The following SLC15A2 variants were observed in gnomAD, a reference collection of about 807,000 sequenced individuals.
The protein encoded by SLC15A2 is kidney H(+)/peptide cotransporter.
A neutral mutation model predicts 95.5 loss-of-function variants in SLC15A2; 77 were observed. The observed-to-expected ratio is 0.81, with a 90% CI of 0.67 to 0.97. SLC15A2 has a LOEUF of 0.97. SLC15A2 is among the 50% of genes least tolerant of loss of function. SLC15A2 has a pLI of 0.00. For synonymous variants in SLC15A2, 306 were observed against 306.9 expected (o/e 1.00, Z 0.03); for missense variants, 893 against 874.4 (o/e 1.02, Z -0.27).
intron 19 of SLC15A2, 46 bp downstream of exon 19, chr3:121,931,781 T>C: frequency 1.8e-6 from 2 of 1,128,096 alleles, no homozygotes; most frequent in Non-Finnish European, 2.7e-6. Flanking sequence ...CATATACATA[T>C]ATCTCCTGAG....
chr3:121,922,990 C>G, intron 9 of SLC15A2, 50 bp from the exon 10 acceptor site: 1 of 1,586,104 alleles, frequency 6.3e-7, no homozygotes, highest in Non-Finnish European at 8.6e-7. Flanking sequence ...AGCAAGAAAG[C>G]CATGTACAGA....
At chr3:121,925,084 G>T in intron 13 of SLC15A2, 51 bp downstream of exon 13, 2 of 1,281,394 alleles carry the variant, frequency 1.6e-6, no homozygotes, top group Non-Finnish European at 2.3e-6. Context: ...CTCAGTCTTT[G>T]CCCAGTTTGA....
chr3:121,896,698 G>A (rs1559837349), intron 2 of SLC15A2, among the ~76,000 whole-genome samples: 1 of 152,034 alleles, frequency 6.6e-6, no homozygotes, highest in Non-Finnish European at 1.5e-5. Context: ...AGAAAGGCCT[G>A]AGACAAACCA....
At chr3:121,915,355 C>T in intron 6 of SLC15A2, 38 bp downstream of exon 6, 2 of 1,402,578 alleles carry the variant, frequency 1.4e-6, no homozygotes, top group Non-Finnish European at 2.0e-6. Flanking sequence ...TAAGGCTTTG[C>T]TCTGGTCAGC....
intron 8 of SLC15A2, 94 bp from the exon 9 acceptor site, chr3:121,922,681 G>C (rs7637569): frequency 1.3e-6 from 1 of 773,242 alleles, no homozygotes; most frequent in East Asian, 2.7e-5. Flanking sequence ...TAAGTCACTA[G>C]AAGTATGGTG....
At chr3:121,928,099 G>C (rs1010751143) in intron 14 of SLC15A2, among the ~76,000 whole-genome samples, 1 of 152,196 alleles carries the variant, frequency 6.6e-6, no homozygotes, top group African/African-American at 2.4e-5. Context: ...CCTCTCCTTA[G>C]GGAACACAGG....
At chr3:121,940,515 A>T (rs1369629960) in intron 21 of SLC15A2, 27 bp downstream of exon 21, 7 of 1,566,430 alleles carry the variant, frequency 4.5e-6, no homozygotes, top group Non-Finnish European at 6.2e-6. Flanking sequence ...AGCAGGATTC[A>T]TTTCTACTCA....
chr3:121,926,760 C>T lies in SLC15A2; in HGVS notation c.1125-998C>T, dbSNP rs540691292. Among the ~76,000 whole-genome samples the T allele has an allele frequency of 4.6e-5, 7 of 152,334 alleles. No homozygotes were observed. The East Asian group carries it at 1.2e-3, about 25-fold the overall frequency. On this transcript the variant is annotated intron_variant, in intron 13 of 21. Coordinates refer to ENST00000489711, the MANE Select transcript of SLC15A2 (RefSeq NM_021082.4). ...GAATGATAGACCCACTGGCAGCTTG[C>T]ACCCTGGGCCTGGAAAACCACGGGC...
intron 17 of SLC15A2, among the ~76,000 whole-genome samples, chr3:121,930,246 T>G (rs1710205422): frequency 1.3e-5 from 2 of 152,244 alleles, no homozygotes; most frequent in East Asian, 1.9e-4. Flanking sequence ...AAACCCATCC[T>G]GAGAGGACAA....
intron 19 of SLC15A2, among the ~76,000 whole-genome samples, chr3:121,934,968 C>G (rs971431221): frequency 2.2e-4 from 31 of 142,686 alleles, no homozygotes; most frequent in Non-Finnish European, 3.7e-4. Context: ...GAGTTTTTAG[C>G]ATGAAGCGTT....
chr3:121,898,300 T>G (rs1709459422), intron 3 of SLC15A2, among the ~76,000 whole-genome samples: 1 of 152,216 alleles, frequency 6.6e-6, no homozygotes, highest in Admixed American at 6.5e-5. Flanking sequence ...TACCATCTAT[T>G]TCTCTTCTCT....
At chr3:121,924,472 A>T in intron 12 of SLC15A2, 89 bp downstream of exon 12, 1 of 1,187,738 alleles carries the variant, frequency 8.4e-7, no homozygotes, top group Admixed American at 1.8e-5. Context: ...CCATAATTTG[A>T]TGCTTTTCTC....
chr3:121,912,390 C>T (rs1576676313), intron 4 of SLC15A2, among the ~76,000 whole-genome samples: 1 of 152,014 alleles, frequency 6.6e-6, no homozygotes, highest in Non-Finnish European at 1.5e-5. Flanking sequence ...GCTGCCACCA[C>T]GCCCGGCTAA....
chr3:121,938,391 G>C (rs981847640), intron 19 of SLC15A2, among the ~76,000 whole-genome samples: 28 of 152,214 alleles, frequency 1.8e-4, no homozygotes, highest in African/African-American at 6.0e-4. Context: ...TTTGATCTCA[G>C]ACTGCTGTGC....
In SLC15A2 at chr3:121,897,455, T is replaced by C; in HGVS notation, c.261T>C (p.His87=). Residue 87 remains histidine, a synonymous_variant, in exon 3 of 22, where the codon CAT becomes CAC. Transcript: ENST00000489711. ...AAGATACCTCCACATCTATATACCATGCCTTCAGCAGCCTCTGTTATTTTA... is the reference window on the plus strand; with the variant it reads ...AAGATACCTCCACATCTATATACCACGCCTTCAGCAGCCTCTGTTATTTTA... ...WNEDTSTSIY[H]AFSSLCYFTP... is the part of the protein sequence containing the mutation. 1 of 1,614,128 alleles carries C rather than the reference T, an allele frequency of 6.2e-7. No individual in the cohort carries two copies. The highest frequency in any genetic ancestry group is 8.5e-7 in the Non-Finnish European group (1 of 1,180,010).
intron 18 of SLC15A2, 90 bp downstream of exon 18, chr3:121,931,040 A>G (rs1559852878): frequency 3.8e-6 from 3 of 783,750 alleles, no homozygotes; most frequent in East Asian, 2.6e-5. Flanking sequence ...ACTTAGGTGC[A>G]TGTGGTCTAA....
rs371934673 is a variant in SLC15A2 at position 121,896,406 on chromosome 3, A to G, written c.106A>G (p.Thr36Ala). The change falls in exon 2 of 22, where the codon ACA becomes GCA. Residue 36 changes from threonine (T) to alanine (A), a missense_variant and splice_region_variant. By Grantham distance (58) the Thr-to-Ala change is moderately conservative (BLOSUM62 0). Transcript: ENST00000489711. The stretch of plus-strand genomic sequence containing the variant: ...GAATCATTGCCTTCTTGTTGAATAG[A>G]CAATCTGTGGCTCCAACTATCCACT... ...PPSPPKKPSP[T>A]ICGSNYPLSI... The G allele has an allele frequency of 6.2e-7, 1 of 1,612,556 alleles. No individual in the cohort carries two copies. The highest frequency in any genetic ancestry group is 8.5e-7 in the Non-Finnish European group (1 of 1,178,526).
intron 15 of SLC15A2, 101 bp downstream of exon 15, chr3:121,928,656 G>T (rs1710169892): frequency 3.0e-6 from 4 of 1,315,358 alleles, no homozygotes; most frequent in Admixed American, 4.5e-5. Context: ...CATGTCTTTA[G>T]ATAATCTTTG....
intron 3 of SLC15A2, among the ~76,000 whole-genome samples, chr3:121,898,894 A>G (rs1439227925): frequency 2.0e-5 from 3 of 152,184 alleles, no homozygotes; most frequent in African/African-American, 7.2e-5. Flanking sequence ...CACCTAATAT[A>G]TATCTATAGA....
Sources: gnomAD v4.1 joint callset for allele counts (sites outside exome capture counted in the v4.1 genomes callset) on GRCh38, gnomAD v4.1.1 for gene constraint, MANE v1.5 for transcripts, NCBI Gene and HGNC (gene_info 2026-07-23, HGNC 2026-07-21) for gene names.